Variants in XG observed in about 807,000 individuals in gnomAD.
The protein encoded by XG is Xg glycoprotein (Xg blood group).
In XG, 24 loss-of-function variants were observed where a neutral mutation model predicts 25.7. The observed-to-expected ratio is 0.93, with a 90% CI of 0.68 to 1.31. The LOEUF is 1.31. Among genes scored for constraint, XG ranks in the 40% most tolerant of loss-of-function variants. The pLI is 0.00. For missense variants in XG, 181 were observed against 187.6 expected (o/e 0.96, Z 0.21); for synonymous variants, 77 against 69.2 (o/e 1.11, Z -0.56).
Position 2,782,057 on chromosome X carries a change from C to G in XG, c.128-9C>G. On this transcript the variant is annotated splice_polypyrimidine_tract_variant and intron_variant, in intron 3 of 10. Coordinates refer to ENST00000644266, the MANE Select transcript of XG (RefSeq NM_001141919.2). ...CTTTTCTAACAGTGCAATGTTGTTT[C>G]CTCCACAGATATCTACCCAAAGCCA... is the stretch of plus-strand genomic sequence containing the variant. 3.3e-6 allele frequency: 4 copies of G among 1,210,269 alleles called. No individual in the cohort carries two copies. The highest frequency in any genetic ancestry group is 4.5e-6 in the Non-Finnish European group (4 of 894,262).
intron 3 of XG, among the ~76,000 whole-genome samples, chrX:2,776,371 AC>A (rs1383124799): frequency 6.6e-6 from 1 of 151,528 alleles, no homozygotes; most frequent in African/African-American, 2.4e-5. Flanking sequence ...TAAGACTATT[AC>A]AAGGTGATAG....
chrX:2,783,442 A>G lies in XG; in HGVS notation c.190+1314A>G, dbSNP rs61591740. ...ATAGATTCTGGCCATTAAAGTTATC[A>G]GCAGTTCAACAACCTTAAAAACTTA... On this transcript the variant is annotated intron_variant, in intron 4 of 10. Transcript: ENST00000644266. 6.1e-3 allele frequency among the ~76,000 whole-genome samples: 684 copies of G among 112,408 alleles called. 8 individuals carry two copies. Among genetic ancestry groups the G allele is most frequent in the African/African-American group, 0.022 (669 of 30,977 alleles).
intron 9 of XG, among the ~76,000 whole-genome samples, chrX:2,809,878 G>T (rs1251773410): frequency 8.9e-6 from 1 of 112,278 alleles, no homozygotes; most frequent in Non-Finnish European, 1.9e-5. Context: ...GGTACCAAGA[G>T]CATGAAGAGA....
At chrX:2,757,202 C>T (rs778438148) in intron 1 of XG, among the ~76,000 whole-genome samples, 89 of 152,198 alleles carry the variant, frequency 5.8e-4, no homozygotes, top group Middle Eastern at 3.4e-3. Context: ...CTTCTCTTCT[C>T]TCCTTCTCTG....
At chrX:2,759,705 C>T (rs745896179) in intron 1 of XG, among the ~76,000 whole-genome samples, 42 of 152,306 alleles carry the variant, frequency 2.8e-4, no homozygotes, top group Admixed American at 1.5e-3. Context: ...TGGATAACAA[C>T]TGACCCTTCC....
chrX:2,759,934 A>G (rs1413136834), intron 1 of XG, among the ~76,000 whole-genome samples: 1 of 150,600 alleles, frequency 6.6e-6, no homozygotes, highest in Non-Finnish European at 1.5e-5. Context: ...GTGAATCCCA[A>G]CCTCTGGGAA....
intron 7 of XG, among the ~76,000 whole-genome samples, chrX:2,803,132 G>A (rs889458919): frequency 9.0e-6 from 1 of 111,714 alleles, no homozygotes; most frequent in Admixed American, 9.5e-5. Flanking sequence ...GAAAGCCACT[G>A]GGAGTAGTTT....
intron 1 of XG, among the ~76,000 whole-genome samples, chrX:2,757,457 A>G (rs994728421): frequency 6.6e-6 from 1 of 151,650 alleles, no homozygotes; most frequent in Non-Finnish European, 1.5e-5. Context: ...CCGTATCAAC[A>G]TGACTTAAAA....
At chrX:2,802,548 G>A (rs998249224) in intron 7 of XG, among the ~76,000 whole-genome samples, 1 of 110,752 alleles carries the variant, frequency 9.0e-6, no homozygotes, top group African/African-American at 3.3e-5. Context: ...AGACCCGGGC[G>A]TGGGGAGTGC....
rs955826006 is a variant in XG, at chrX:2,773,838, AGAAG to A, written c.104-865_104-862del. On this transcript the variant is annotated intron_variant, in intron 2 of 10. Transcript: ENST00000644266. ...AGGAAGGAGAGAAGGAAGGAAGGAG[AGAAG>A]GAAGGAAGGAAGAAGGGAGGGCAGG... Among the ~76,000 whole-genome samples, 15 of 138,018 alleles carry A rather than the reference AGAAG, an allele frequency of 1.1e-4. 1 individual carries two copies. The highest frequency in any genetic ancestry group is 2.1e-4 in the Non-Finnish European group (13 of 62,188). 90.5% of individuals were successfully genotyped at this position (138,018 alleles called of 152,430 possible).
At chrX:2,774,056 G>T (rs531063778) in intron 2 of XG, among the ~76,000 whole-genome samples, 5 of 152,244 alleles carry the variant, frequency 3.3e-5, no homozygotes, top group African/African-American at 9.6e-5. Context: ...GCAATGCTAG[G>T]CTGTTATGTA....
chrX:2,788,747 C>T (rs757968968), intron 4 of XG, among the ~76,000 whole-genome samples: 2 of 109,818 alleles, frequency 1.8e-5, no homozygotes, highest in African/African-American at 6.7e-5. Context: ...CTCAGCTACT[C>T]GGGAGGCTGA....
rs5939319 is a variant in XG, at chrX:2,782,116, G to A, written c.178G>A (p.Asp60Asn). The A allele has an allele frequency of 0.12, 150,690 of 1,209,231 alleles. 7,387 individuals carry two copies. The highest frequency in any genetic ancestry group is 0.15 in the Non-Finnish European group (131,994 of 894,447). Residue 60 changes from aspartate to asparagine, a missense_variant, in exon 4 of 11, where the codon GAC (aspartate) becomes AAC (asparagine). Transcript: ENST00000644266. Reference sequence around the variant, plus strand: ...TTACTACCCACAGCCCGAGAATCCCGACAGCGGTGGAAGTAAGAATCCGCA... The same window carrying A: ...TTACTACCCACAGCCCGAGAATCCCAACAGCGGTGGAAGTAAGAATCCGCA... The part of the protein sequence containing the change: ...PPYYPQPENP[D>N]SGGNIYPRPK...
At chrX:2,804,987 C>T (rs1222350963) in intron 7 of XG, among the ~76,000 whole-genome samples, 1 of 112,552 alleles carries the variant, frequency 8.9e-6, no homozygotes, top group African/African-American at 3.2e-5. Flanking sequence ...TGCTCCCCTT[C>T]CTGCCTGGAC....
At chrX:2,782,885 C>CT (rs1038883183) in intron 4 of XG, among the ~76,000 whole-genome samples, 2 of 111,580 alleles carry the variant, frequency 1.8e-5, no homozygotes, top group African/African-American at 3.3e-5. Flanking sequence ...AGAAGGGGGT[C>CT]TTTTTGGGAA....
intron 1 of XG, chrX:2,752,754 G>A (rs1172412901): frequency 1.6e-5 from 3 of 187,332 alleles, no homozygotes; most frequent in Non-Finnish European, 2.0e-5. Flanking sequence ...ACTTCATCCC[G>A]TGGGGCAGAT....
At chrX:2,795,846 C>T (rs1255387863) in intron 6 of XG, among the ~76,000 whole-genome samples, 14 of 109,761 alleles carry the variant, frequency 1.3e-4, no homozygotes, top group South Asian at 3.8e-4. Context: ...TTAGTAGAGA[C>T]GGGGTTTCAC....
intron 1 of XG, among the ~76,000 whole-genome samples, chrX:2,765,358 G>C (rs1403225760): frequency 5.8e-5 from 8 of 138,528 alleles, no homozygotes; most frequent in Non-Finnish European, 1.1e-4. Context: ...ATGAGAGAAA[G>C]AGAGAAAGAG....
rs2050429498 is a variant in XG at position 2,756,131 on chromosome X, A to T, written c.61+3796A>T. ...AATTATCAATACAAAAGAAGATAAT[A>T]GCAAGACGGCCATATTCCTAATAGA... On this transcript the variant is annotated intron_variant, in intron 1 of 10. Coordinates refer to ENST00000644266, the MANE Select transcript of XG (RefSeq NM_001141919.2). Among the ~76,000 whole-genome samples, 3 of 152,242 alleles carry T rather than the reference A, an allele frequency of 2.0e-5. No homozygotes were observed. The South Asian group carries it at 6.2e-4, about 32-fold the overall frequency.
Sources: allele counts gnomAD v4.1 joint callset (sites outside exome capture counted in the v4.1 genomes callset), GRCh38; gene constraint gnomAD v4.1.1; transcripts MANE v1.5; gene names NCBI Gene and HGNC (gene_info 2026-07-23, HGNC 2026-07-21).